The following PAAF1 variants were observed in gnomAD, a reference collection of about 807,000 sequenced individuals.
PAAF1 encodes proteasomal ATPase-associated factor 1.
A neutral mutation model predicts 52.8 loss-of-function variants in PAAF1; 46 were observed. That is an observed-to-expected ratio of 0.87 (90% CI 0.69 to 1.11). The LOEUF (loss-of-function observed/expected upper bound fraction) is 1.11, where lower values mean the gene tolerates loss of function less well. Ranked by LOEUF, PAAF1 falls within the 50% of genes most tolerant of loss-of-function variation. The pLI is 0.00. For synonymous variants in PAAF1, 178 were observed against 172.8 expected (o/e 1.03, Z -0.24); for missense variants, 424 against 477.4 (o/e 0.89, Z 1.04).
rs113555237 is a variant in PAAF1 at position 73,924,935 on chromosome 11, T to C, written c.1101+238T>C. On this transcript the variant is annotated intron_variant, in intron 11 of 11. Transcript: ENST00000310571. ...TGGGAGGCCGAGACAGGTGGATCAC[T>C]TGAGGTCAGGAGTTCAAGACCAGCC... Among the ~76,000 whole-genome samples, 296 of 151,962 alleles carry C rather than the reference T, an allele frequency of 1.9e-3. 1 individual carries two copies. The highest frequency in any genetic ancestry group is 6.9e-3 in the African/African-American group (287 of 41,432).
intron 3 of PAAF1, chr11:73,889,167 C>T (rs1949137690): frequency 6.5e-7 from 1 of 1,528,236 alleles, no homozygotes; most frequent in South Asian, 1.2e-5. Flanking sequence ...TCCCTTCATA[C>T]TCAGACCTGG....
At chr11:73,918,755 T>G (rs1163656740) in intron 9 of PAAF1, among the ~76,000 whole-genome samples, 195 bp from the exon 10 acceptor site, 1 of 152,176 alleles carries the variant, frequency 6.6e-6, no homozygotes, top group Non-Finnish European at 1.5e-5. Context: ...AGTTCATGTT[T>G]AGAGACATGG....
At chr11:73,889,313 T>C in intron 3 of PAAF1, 3 of 946,914 alleles carry the variant, frequency 3.2e-6, no homozygotes, top group Non-Finnish European at 4.3e-6. Context: ...AATTTGATAT[T>C]GCTACATTGT....
Position 73,887,477 on chromosome 11 carries a change from A to T in PAAF1, c.192+20A>T. 6.6e-7 allele frequency: 1 copy of T among 1,522,618 alleles called. No individual in the cohort carries two copies. Among genetic ancestry groups the T allele is most frequent in the Non-Finnish European group, 9.0e-7 (1 of 1,115,308 alleles). 94.3% of individuals were successfully genotyped at this position (1,522,618 alleles called of 1,614,324 possible). ...AACAAGGTATGTTTTTATGTCTTCT[A>T]GATGGCATGATATTTAAAACTATGG... On this transcript the variant is annotated intron_variant, in intron 3 of 11. Transcript: ENST00000310571.
At chr11:73,896,793 G>C (rs894946139) in intron 4 of PAAF1, among the ~76,000 whole-genome samples, 4 of 152,120 alleles carry the variant, frequency 2.6e-5, no homozygotes, top group African/African-American at 9.7e-5. Context: ...CTCATGGCCC[G>C]TTCTCAATGA....
intron 4 of PAAF1, among the ~76,000 whole-genome samples, chr11:73,896,761 A>G (rs1460447969): frequency 6.6e-6 from 1 of 152,086 alleles, no homozygotes; most frequent in South Asian, 2.1e-4. Flanking sequence ...CCCCCTTTCT[A>G]TTCTACAAAA....
intron 2 of PAAF1, among the ~76,000 whole-genome samples, chr11:73,882,435 ATTATTTAT>A (rs754294044): frequency 3.6e-5 from 5 of 137,028 alleles, no homozygotes; most frequent in East Asian, 2.1e-4. Context: ...TTTTATTTTT[ATTATTTAT>A]TTATTTATTT....
chr11:73,906,120 C>T (rs1036242482), intron 6 of PAAF1, among the ~76,000 whole-genome samples: 1 of 152,100 alleles, frequency 6.6e-6, no homozygotes, highest in African/African-American at 2.4e-5. Context: ...ACCATATGGG[C>T]TTGATAGATC....
intron 7 of PAAF1, among the ~76,000 whole-genome samples, chr11:73,910,787 G>A (rs953576932): frequency 2.0e-5 from 3 of 151,972 alleles, no homozygotes; most frequent in Non-Finnish European, 2.9e-5. Flanking sequence ...TCAGGAGCTC[G>A]AAACCAGTCT....
chr11:73,905,600 T>A (rs952652637), intron 6 of PAAF1, among the ~76,000 whole-genome samples: 1 of 152,048 alleles, frequency 6.6e-6, no homozygotes, highest in Non-Finnish European at 1.5e-5. Context: ...TTTTCTTTAT[T>A]CTTGTCGTGT....
At chr11:73,876,966 G>A, upstream of PAAF1, 4 of 1,481,902 alleles carry the variant, frequency 2.7e-6, no homozygotes, top group Admixed American at 2.4e-5. Flanking sequence ...CACGCTTCTC[G>A]GGGACTCACT....
At chr11:73,915,656 A>G (rs908371512) in intron 8 of PAAF1, among the ~76,000 whole-genome samples, 4 of 152,152 alleles carry the variant, frequency 2.6e-5, no homozygotes, top group African/African-American at 9.7e-5. Context: ...TAATGAACAG[A>G]CCATTAGTTG....
At chr11:73,909,288 G>A in intron 6 of PAAF1, 111 bp from the exon 7 acceptor site, 1 of 940,060 alleles carries the variant, frequency 1.1e-6, no homozygotes, top group Non-Finnish European at 1.6e-6. Context: ...TGTGGTACCT[G>A]TTCAGAACAT....
chr11:73,884,888 C>A (rs940098683), intron 2 of PAAF1, among the ~76,000 whole-genome samples: 2 of 147,130 alleles, frequency 1.4e-5, no homozygotes, highest in African/African-American at 5.1e-5. Flanking sequence ...GAGACGGAGT[C>A]TCGCTCTGTC....
intron 4 of PAAF1, among the ~76,000 whole-genome samples, chr11:73,891,960 G>A (rs1949213583): frequency 6.6e-6 from 1 of 152,140 alleles, no homozygotes; most frequent in African/African-American, 2.4e-5. Context: ...AAGCAGAAGT[G>A]AGAAATTGCT....
At chr11:73,920,290 T>C (rs1438222252) in intron 10 of PAAF1, among the ~76,000 whole-genome samples, 1 of 152,150 alleles carries the variant, frequency 6.6e-6, no homozygotes, top group African/African-American at 2.4e-5. Flanking sequence ...TCCCAGCATT[T>C]TGGGAGGCTG....
intron 2 of PAAF1, among the ~76,000 whole-genome samples, chr11:73,882,202 G>C (rs1948929998): frequency 6.6e-6 from 1 of 151,642 alleles, no homozygotes; most frequent in African/African-American, 2.4e-5. Flanking sequence ...TTTTAGTAGA[G>C]ATGGGGTTTC....
chr11:73,913,818 C>T (rs1949995567), intron 7 of PAAF1, among the ~76,000 whole-genome samples: 1 of 152,066 alleles, frequency 6.6e-6, no homozygotes, highest in Admixed American at 6.5e-5. Context: ...AGGTCAGAGA[C>T]TGTTTTTTGC....
In PAAF1 at chr11:73,911,963, C is replaced by T. The variant is rs965519756; in HGVS notation, c.727+2370C>T. ...GTGACCTTCTTCTTGCCTAATCCAC[C>T]TTGTTTCTCTGTGCTTGTCTTTCTG... On this transcript the variant is annotated intron_variant, in intron 7 of 11. Transcript: ENST00000310571. Among the ~76,000 whole-genome samples the T allele has an allele frequency of 3.9e-5, 6 of 152,078 alleles. 1 individual carries two copies. The highest frequency in any genetic ancestry group is 1.2e-4 in the African/African-American group (5 of 41,426).
Sources: allele counts gnomAD v4.1 joint callset (sites outside exome capture counted in the v4.1 genomes callset), GRCh38; gene constraint gnomAD v4.1.1; transcripts MANE v1.5; gene names NCBI Gene and HGNC (gene_info 2026-07-23, HGNC 2026-07-21).